PTPRQ: variants seen among roughly 807,000 people sequenced by gnomAD.
PTPRQ encodes phosphatidylinositol phosphatase PTPRQ.
Under a neutral mutation model 246.0 loss-of-function variants are expected in PTPRQ, and 199 were observed. That is an observed-to-expected ratio of 0.81 (90% CI 0.72 to 0.91). PTPRQ has a LOEUF of 0.91. Among genes scored for constraint, PTPRQ ranks in the 40% least tolerant of loss-of-function variants. The pLI, the probability that PTPRQ is intolerant of heterozygous loss-of-function variation, is 0.00. For missense variants in PTPRQ, 2,624 were observed against 2,528.4 expected, an observed-to-expected ratio of 1.04 and a Z score of -0.81; for synonymous variants, 869 against 853.2, an observed-to-expected ratio of 1.02 and a Z score of -0.32.
intron 25 of PTPRQ, among the ~76,000 whole-genome samples, chr12:80,553,161 T>A (rs959681617): frequency 4.6e-5 from 7 of 152,260 alleles, no homozygotes; most frequent in African/African-American, 1.7e-4. Flanking sequence ...TACAATATAT[T>A]ATTTCCACAT....
intron 19 of PTPRQ, among the ~76,000 whole-genome samples, chr12:80,538,147 GT>G (rs1896045391): frequency 6.6e-6 from 1 of 151,932 alleles, no homozygotes; most frequent in African/African-American, 2.4e-5. Context: ...TAGTTGGTTG[GT>G]CAAATTTGAA....
intron 25 of PTPRQ, among the ~76,000 whole-genome samples, chr12:80,567,276 T>G (rs925766954): frequency 1.2e-4 from 18 of 152,362 alleles, no homozygotes; most frequent in African/African-American, 4.3e-4. Flanking sequence ...TTAATTTCTA[T>G]ATACATGCAT....
chr12:80,527,596 G>A (rs1157033975), intron 17 of PTPRQ, among the ~76,000 whole-genome samples: 2 of 151,854 alleles, frequency 1.3e-5, no homozygotes, highest in Admixed American at 1.3e-4. Context: ...AAACTAATAA[G>A]TAATTTAAAA....
At chr12:80,446,609 C>G (rs901842983) in intron 3 of PTPRQ, among the ~76,000 whole-genome samples, 2 of 151,692 alleles carry the variant, frequency 1.3e-5, no homozygotes, top group African/African-American at 4.8e-5. Flanking sequence ...TTTTGAAATC[C>G]CGTGTTTATT....
In PTPRQ at chr12:80,658,031, T is replaced by A. The variant is rs1900501061; in HGVS notation, c.6162T>A (p.Gly2054=). The A allele has an allele frequency of 2.1e-6, 3 of 1,440,906 alleles. No individual in the cohort carries two copies. The highest frequency in any genetic ancestry group is 2.7e-6 in the Non-Finnish European group (3 of 1,093,766). 89.3% of individuals were successfully genotyped at this position (1,440,906 alleles called of 1,614,324 possible). ...VKLIADASVP[G]SDYINASYIS... ...TGATAGCTGACGCTAGTGTTCCAGG[T>A]TCGGATTATATTAATGCCAGCTATA... is the stretch of plus-strand genomic sequence containing the variant. The change falls in exon 39 of 45, where the codon GGT becomes GGA. Residue 2054 remains glycine, a synonymous_variant. Coordinates refer to ENST00000644991, the MANE Select transcript of PTPRQ (RefSeq NM_001145026.2).
chr12:80,652,992 G>T (rs910702548), intron 38 of PTPRQ, among the ~76,000 whole-genome samples, 158 bp downstream of exon 38: 32 of 151,778 alleles, frequency 2.1e-4, no homozygotes, highest in African/African-American at 7.5e-4. Flanking sequence ...CTTTTGCTTT[G>T]TTCATATTTA....
In PTPRQ at chr12:80,496,524, G is replaced by A. The variant is rs927689913; in HGVS notation, c.2265G>A (p.Ser755=). 19 of 1,508,752 alleles carry A rather than the reference G, an allele frequency of 1.3e-5. No homozygotes were observed. In the African/African-American group the frequency reaches 1.4e-4, roughly 11 times the overall value. 93.5% of individuals were successfully genotyped at this position (1,508,752 alleles called of 1,614,324 possible). Residue 755 remains serine (S), a synonymous_variant, in exon 14 of 45, where the codon TCG becomes TCA. Transcript: ENST00000644991. ...CTTCTTTACTCTCTGTAAGGACTTCGGAGACTGGTGAGCTTTTGTTTTCTT... is the reference window on the plus strand; with the variant it reads ...CTTCTTTACTCTCTGTAAGGACTTCAGAGACTGGTGAGCTTTTGTTTTCTT... The part of the protein sequence containing the change: ...QVSSLLSVRT[S]ETVPDSAPEN...
At chr12:80,670,205 G>T in intron 41 of PTPRQ, 139 bp from the exon 42 acceptor site, 1 of 1,244,314 alleles carries the variant, frequency 8.0e-7, no homozygotes, top group South Asian at 1.6e-5. Flanking sequence ...TCTCTTATAG[G>T]AAATAATGAA....
intron 25 of PTPRQ, among the ~76,000 whole-genome samples, chr12:80,564,020 G>C (rs1896907774): frequency 1.3e-5 from 2 of 151,772 alleles, no homozygotes; most frequent in Admixed American, 1.3e-4. Context: ...TTGCTAGACT[G>C]CACTGTTTTT....
chr12:80,653,206 C>G (rs1181463305), intron 38 of PTPRQ, among the ~76,000 whole-genome samples: 1 of 152,124 alleles, frequency 6.6e-6, no homozygotes, highest in Non-Finnish European at 1.5e-5. Flanking sequence ...CACAGCATAG[C>G]AGTGTTTTCC....
In PTPRQ at chr12:80,610,573, A is replaced by T. The variant is rs918461118; in HGVS notation, c.4866A>T (p.Ala1622=). Residue 1622 remains alanine (A), a synonymous_variant, in exon 28 of 45, where the codon GCA becomes GCT. Coordinates refer to ENST00000644991, the MANE Select transcript of PTPRQ (RefSeq NM_001145026.2). ...CATTTACTGGGAACATTAGTGCTGCATATGTAGAAGGGAAGTCAAGTGCTG... is the reference window on the plus strand; with the variant it reads ...CATTTACTGGGAACATTAGTGCTGCTTATGTAGAAGGGAAGTCAAGTGCTG... ...ITAFTGNISA[A]YVEGKSSAEM... 8 of 1,543,708 alleles carry T rather than the reference A, an allele frequency of 5.2e-6. No homozygotes were observed. The African/African-American group carries it at 1.1e-4, about 21-fold the overall frequency.
intron 25 of PTPRQ, among the ~76,000 whole-genome samples, chr12:80,552,400 C>A (rs953676823): frequency 4.0e-5 from 6 of 151,538 alleles, no homozygotes; most frequent in Non-Finnish European, 7.4e-5. Flanking sequence ...AATTACAGGA[C>A]AACATATCTG....
Position 80,658,001 on chromosome 12 carries a change from A to G in PTPRQ, c.6132A>G (p.Val2044=). 7.0e-7 allele frequency: 1 copy of G among 1,433,762 alleles called. No homozygotes were observed. 88.8% of individuals were successfully genotyped at this position (1,433,762 alleles called of 1,614,324 possible). The part of the protein sequence containing the change: ...PNIKPYNNNR[V]KLIADASVPG... ...TTCTTCTAGATAATAATAACAGAGT[A>G]AAGCTGATAGCTGACGCTAGTGTTC... Residue 2044 remains valine, a synonymous_variant, in exon 39 of 45, where the codon GTA becomes GTG. Transcript: ENST00000644991.
chr12:80,513,340 A>C (rs994563070), intron 17 of PTPRQ, among the ~76,000 whole-genome samples: 1 of 151,990 alleles, frequency 6.6e-6, no homozygotes, highest in East Asian at 1.9e-4. Context: ...TCACCCGCCA[A>C]ACTGTGCGTT....
At position 80,632,283 on chromosome 12, in the gene PTPRQ, A is replaced by G; in HGVS notation, c.5778A>G (p.Ala1926=). 6.4e-7 allele frequency: 1 copy of G among 1,551,228 alleles called. No homozygotes were observed. The highest frequency in any genetic ancestry group is 1.4e-5 in the African/African-American group (1 of 73,122). ...TTCTCCTTGGAACAGCTATTTTTGCATTTGCAAGGTAAGATTTATTTGCGC... is the reference window on the plus strand; with the variant it reads ...TTCTCCTTGGAACAGCTATTTTTGCGTTTGCAAGGTAAGATTTATTTGCGC... ...SIILLGTAIF[A]FARIRQKQKE... The change falls in exon 34 of 45, where the codon GCA becomes GCG. Residue 1926 remains alanine, a synonymous_variant. Transcript: ENST00000644991.
In PTPRQ at chr12:80,542,452, A is replaced by G. The variant is rs942745204; in HGVS notation, c.3721+88A>G. On this transcript the variant is annotated intron_variant, in intron 22 of 44. Coordinates refer to ENST00000644991, the MANE Select transcript of PTPRQ (RefSeq NM_001145026.2). Reference sequence around the variant, plus strand: ...AAGGAACAGCATGGAATATGAAAGGATATCTGATTGTCTATTTGTAACAGC... The same window carrying G: ...AAGGAACAGCATGGAATATGAAAGGGTATCTGATTGTCTATTTGTAACAGC... 2.3e-5 allele frequency: 33 copies of G among 1,457,548 alleles called. No homozygotes were observed. The East Asian group carries it at 4.8e-4, about 21-fold the overall frequency. 90.3% of individuals were successfully genotyped at this position (1,457,548 alleles called of 1,614,324 possible). A position where few individuals can be genotyped will look rare whatever the true frequency, so the allele number is the denominator to read the frequency against.
chr12:80,444,842 T>C lies in PTPRQ; in HGVS notation c.156T>C (p.Asn52=). The C allele has an allele frequency of 2.0e-6, 3 of 1,518,466 alleles. No individual in the cohort carries two copies. Among genetic ancestry groups the C allele is most frequent in the Non-Finnish European group, 2.7e-6 (3 of 1,124,686 alleles). The allele number at this position is 1,518,466 out of a possible 1,614,324, so 94.1% of individuals were successfully genotyped here. The change falls in exon 2 of 45, where the codon AAT becomes AAC. Residue 52 remains asparagine, a synonymous_variant. Transcript: ENST00000644991. ...TSPVTRIVTT[N]VTKPGPPVFL... Reference sequence around the variant, plus strand: ...CTGTTACTAGAATAGTGACAACAAATGTAACAAGTGAGTATATGTTTTAAA... The same window carrying C: ...CTGTTACTAGAATAGTGACAACAAACGTAACAAGTGAGTATATGTTTTAAA...
intron 20 of PTPRQ, among the ~76,000 whole-genome samples, chr12:80,540,640 A>G (rs537192742): frequency 2.0e-5 from 3 of 152,232 alleles, no homozygotes; most frequent in Admixed American, 1.3e-4. Context: ...TCTGAAAGCC[A>G]TAAATTGACA....
intron 25 of PTPRQ, among the ~76,000 whole-genome samples, chr12:80,580,133 G>T (rs1257496276): frequency 1.3e-5 from 2 of 152,056 alleles, no homozygotes; most frequent in African/African-American, 4.8e-5. Flanking sequence ...TTTTATACAT[G>T]TATTCATCTT....
Sources: gnomAD v4.1 joint callset for allele counts (sites outside exome capture counted in the v4.1 genomes callset) on GRCh38, gnomAD v4.1.1 for gene constraint, MANE v1.5 for transcripts, NCBI Gene and HGNC (gene_info 2026-07-23, HGNC 2026-07-21) for gene names.